IGSF11: variants seen among roughly 807,000 people sequenced by gnomAD.
IGSF11 encodes the protein CXADR like 1.
In IGSF11, 22 loss-of-function variants were observed where a neutral mutation model predicts 41.0. The ratio of observed to expected loss-of-function variants is 0.54; its 90% confidence interval spans 0.38 to 0.77. The LOEUF (loss-of-function observed/expected upper bound fraction) is 0.77, where lower values mean the gene tolerates loss of function less well. IGSF11 is among the 30% of genes least tolerant of loss of function. The pLI is 0.00. For missense variants in IGSF11, 444 were observed against 530.8 expected (o/e 0.84, Z 1.61); for synonymous variants, 219 against 201.3 (o/e 1.09, Z -0.74).
chr3:119,123,417 G>GT (rs2077359327), intron 1 of IGSF11, among the ~76,000 whole-genome samples: 1 of 152,346 alleles, frequency 6.6e-6, no homozygotes, highest in South Asian at 2.1e-4. Context: ...GGCACCTGAG[G>GT]TAACTCACTG....
chr3:118,991,281 C>T (rs1164457461), intron 1 of IGSF11, among the ~76,000 whole-genome samples: 1 of 152,192 alleles, frequency 6.6e-6, no homozygotes, highest in African/African-American at 2.4e-5. Context: ...CACCACTTAT[C>T]ATAACACTAT....
intron 1 of IGSF11, among the ~76,000 whole-genome samples, chr3:119,030,846 G>A (rs1389861484): frequency 2.6e-5 from 4 of 152,116 alleles, no homozygotes; most frequent in Non-Finnish European, 4.4e-5. Context: ...AAGTAAATTA[G>A]AAAACAGAAA....
At chr3:119,138,558 G>A (rs1473512320) in intron 1 of IGSF11, among the ~76,000 whole-genome samples, 1 of 152,164 alleles carries the variant, frequency 6.6e-6, no homozygotes, top group Non-Finnish European at 1.5e-5. Flanking sequence ...GGTGGCACAT[G>A]CCTGTAATCC....
intron 1 of IGSF11, among the ~76,000 whole-genome samples, chr3:119,071,943 T>G (rs1423637831): frequency 6.6e-6 from 1 of 152,190 alleles, no homozygotes; most frequent in Non-Finnish European, 1.5e-5. Flanking sequence ...ATTAAAAATA[T>G]TAAGTCTTTT....
upstream of IGSF11, among the ~76,000 whole-genome samples, chr3:119,038,072 A>C (rs902591980): frequency 2.0e-5 from 3 of 152,168 alleles, no homozygotes; most frequent in African/African-American, 7.2e-5. Context: ...TATAGTCTAG[A>C]GCACAGTTTG....
intron 1 of IGSF11, among the ~76,000 whole-genome samples, chr3:119,047,684 C>G (rs1042911485): frequency 2.0e-5 from 3 of 152,108 alleles, no homozygotes; most frequent in African/African-American, 7.2e-5. Context: ...CCCAAATCAA[C>G]AGAATATACA....
chr3:119,099,895 A>T (rs952835726), intron 1 of IGSF11, among the ~76,000 whole-genome samples: 2 of 152,208 alleles, frequency 1.3e-5, no homozygotes, highest in African/African-American at 4.8e-5. Flanking sequence ...GGTAGTATTG[A>T]ACCCAATGTA....
intron 1 of IGSF11, among the ~76,000 whole-genome samples, chr3:119,072,767 G>A (rs968103680): frequency 6.6e-6 from 1 of 152,166 alleles, no homozygotes; most frequent in African/African-American, 2.4e-5. Flanking sequence ...GCAGCAGCAA[G>A]ATTTATTGCA....
intron 1 of IGSF11, among the ~76,000 whole-genome samples, chr3:119,032,661 C>A (rs902260233): frequency 1.3e-5 from 2 of 152,190 alleles, no homozygotes; most frequent in Non-Finnish European, 2.9e-5. Flanking sequence ...CCCATCCACT[C>A]CCATCTGAGC....
intron 1 of IGSF11, among the ~76,000 whole-genome samples, chr3:118,976,059 C>T (rs1388315499): frequency 6.6e-6 from 1 of 151,964 alleles, no homozygotes; most frequent in Non-Finnish European, 1.5e-5. Flanking sequence ...AACATGAAAC[C>T]GATACATGAA....
chr3:118,934,019 T>C (rs901679057), intron 1 of IGSF11, among the ~76,000 whole-genome samples: 1 of 152,154 alleles, frequency 6.6e-6, no homozygotes, highest in African/African-American at 2.4e-5. Flanking sequence ...GACTTCCTGA[T>C]AGCATTTAAA....
intron 1 of IGSF11, among the ~76,000 whole-genome samples, chr3:119,070,529 T>C (rs535231517): frequency 2.8e-4 from 42 of 152,350 alleles, no homozygotes; most frequent in Admixed American, 5.9e-4. Flanking sequence ...TCGTGTCCTA[T>C]CTGGACAGCT....
chr3:118,968,628 C>T (rs72968632), intron 1 of IGSF11, among the ~76,000 whole-genome samples: 2,977 of 152,250 alleles, frequency 0.02, 98 homozygotes, highest in African/African-American at 0.068. Flanking sequence ...TTACACAAGA[C>T]AGAGCAATAA....
intron 1 of IGSF11, among the ~76,000 whole-genome samples, chr3:119,087,395 CACACACAT>C (rs1373982940): frequency 1.3e-5 from 2 of 149,638 alleles, no homozygotes; most frequent in East Asian, 4.0e-4. Flanking sequence ...CACACACACA[CACACACAT>C]ACACACACAC....
rs879580225 is a variant in IGSF11, at chr3:118,919,019, T to C, written c.580+7082A>G. 2.1e-4 allele frequency among the ~76,000 whole-genome samples: 27 copies of C among 127,884 alleles called. 3 individuals are homozygous for C. The highest frequency in any genetic ancestry group is 3.4e-4 in the Non-Finnish European group (22 of 65,530). 83.9% of individuals were successfully genotyped at this position (127,884 alleles called of 152,430 possible). A position where few individuals can be genotyped will look rare whatever the true frequency, so the allele number is the denominator to read the frequency against. ...AACAAGCAATGGGGAAAGGATTCCC[T>C]ATTTAATAAATGGGGCTGGGAAAAC... On this transcript the variant is annotated intron_variant, in intron 4 of 6. Transcript: ENST00000393775.
intron 1 of IGSF11, chr3:119,012,696 T>C (rs1938267597): frequency 6.6e-6 from 1 of 152,224 alleles, no homozygotes; most frequent in Non-Finnish European, 1.5e-5. Context: ...ACAGAAATTA[T>C]AACAAGTGTT....
At chr3:118,946,883 G>A (rs551953679) in intron 1 of IGSF11, among the ~76,000 whole-genome samples, 8 of 152,314 alleles carry the variant, frequency 5.3e-5, no homozygotes, top group South Asian at 2.1e-4. Context: ...AGGCCAAGGC[G>A]GGCGGATCAT....
chr3:118,948,793 G>T (rs1026125828), intron 1 of IGSF11, among the ~76,000 whole-genome samples: 5 of 151,642 alleles, frequency 3.3e-5, no homozygotes, highest in Admixed American at 2.6e-4. Flanking sequence ...GTGAGACCCC[G>T]TTTCTACTAA....
chr3:119,075,437 A>C (rs1041750117), intron 1 of IGSF11, among the ~76,000 whole-genome samples: 1 of 152,134 alleles, frequency 6.6e-6, no homozygotes, highest in Non-Finnish European at 1.5e-5. Flanking sequence ...AAACTATTCC[A>C]AAAAAACAAA....
Sources: allele counts gnomAD v4.1 joint callset (sites outside exome capture counted in the v4.1 genomes callset), GRCh38; gene constraint gnomAD v4.1.1; transcripts MANE v1.5; gene names NCBI Gene and HGNC (gene_info 2026-07-23, HGNC 2026-07-21).